The following ETV1 variants were observed in gnomAD, a reference collection of about 807,000 sequenced individuals.
ETV1 encodes ETS translocation variant 1.
A neutral mutation model predicts 62.3 loss-of-function variants in ETV1; 27 were observed. That is an observed-to-expected ratio of 0.43 (90% CI 0.32 to 0.60). The LOEUF is 0.60. ETV1 is among the 20% of genes least tolerant of loss of function. ETV1 has a pLI of 0.06. For missense variants in ETV1, 605 were observed against 605.8 expected (o/e 1.00, Z 0.01); for synonymous variants, 222 against 199.6 (o/e 1.11, Z -0.94).
rs1478322010 is a variant in ETV1, at chr7:13,892,879, T to C, written c.*2987A>G. The C allele has an allele frequency of 2.2e-5, 5 of 232,034 alleles. No homozygotes were observed. The East Asian group carries it at 3.0e-4, about 14-fold the overall frequency. The allele number at this position is 232,034 out of a possible 1,614,324, so 14.4% of individuals were successfully genotyped here. A position where few individuals can be genotyped will look rare whatever the true frequency, so the allele number is the denominator to read the frequency against. On this transcript the variant is annotated 3_prime_UTR_variant, in exon 14 of 14. Coordinates refer to ENST00000430479, the MANE Select transcript of ETV1 (RefSeq NM_004956.5). ...GAACCAGACCTAAGGACATCTTGGT[T>C]TTAGTCTCTTAAGGCTTCTTTTGAA...
chr7:13,959,016 A>T (rs918888375), intron 6 of ETV1: 9 of 151,654 alleles, frequency 5.9e-5, no homozygotes, highest in African/African-American at 2.2e-4. Flanking sequence ...GTCTTTCTCA[A>T]GTACTCCAAT....
intron 6 of ETV1, chr7:13,958,809 G>A (rs1445266783): frequency 1.3e-5 from 2 of 152,206 alleles, no homozygotes; most frequent in African/African-American, 4.8e-5. Flanking sequence ...ATGTTATGAA[G>A]ATTGGCTGCA....
chr7:13,914,771 C>A (rs1443420905), intron 9 of ETV1, among the ~76,000 whole-genome samples: 1 of 152,170 alleles, frequency 6.6e-6, no homozygotes, highest in African/African-American at 2.4e-5. Context: ...TTGCTAGGCA[C>A]TCTCTGATTT....
chr7:13,961,204 T>G (rs1465096637), intron 6 of ETV1, among the ~76,000 whole-genome samples: 1 of 152,104 alleles, frequency 6.6e-6, no homozygotes, highest in African/African-American at 2.4e-5. Context: ...ATGATTGCAC[T>G]AATATTTGTG....
At chr7:13,918,296 T>C (rs939017042) in intron 9 of ETV1, among the ~76,000 whole-genome samples, 6 of 152,128 alleles carry the variant, frequency 3.9e-5, no homozygotes, top group Non-Finnish European at 7.4e-5. Flanking sequence ...CCTGAGGAAT[T>C]GCCACACTGA....
intron 6 of ETV1, among the ~76,000 whole-genome samples, chr7:13,939,992 A>G (rs1417026876): frequency 6.6e-6 from 1 of 152,238 alleles, no homozygotes; most frequent in African/African-American, 2.4e-5. Flanking sequence ...TAACGTACAA[A>G]GCTACATCAC....
chr7:13,960,651 G>A (rs1054754524), intron 6 of ETV1, among the ~76,000 whole-genome samples: 1 of 151,806 alleles, frequency 6.6e-6, no homozygotes, highest in African/African-American at 2.4e-5. Context: ...CTACTCCAAA[G>A]CTCACATGTT....
At chr7:13,908,814 C>T (rs1783249204) in intron 11 of ETV1, among the ~76,000 whole-genome samples, 1 of 152,034 alleles carries the variant, frequency 6.6e-6, no homozygotes, top group Non-Finnish European at 1.5e-5. Context: ...GTCATTATAG[C>T]CATGACCCCC....
chr7:13,968,653 C>T (rs1051236375), intron 6 of ETV1, among the ~76,000 whole-genome samples: 51 of 151,880 alleles, frequency 3.4e-4, no homozygotes, highest in African/African-American at 1.1e-3. Flanking sequence ...TTACATTATT[C>T]CCCCATGAAT....
At chr7:13,974,127 G>A (rs1781171695) in intron 6 of ETV1, among the ~76,000 whole-genome samples, 1 of 152,158 alleles carries the variant, frequency 6.6e-6, no homozygotes, top group African/African-American at 2.4e-5. Flanking sequence ...AACTCTGTGG[G>A]GTCAGGGTGG....
At chr7:13,918,965 A>G (rs1784518415) in intron 9 of ETV1, among the ~76,000 whole-genome samples, 1 of 151,692 alleles carries the variant, frequency 6.6e-6, no homozygotes, top group Non-Finnish European at 1.5e-5. Flanking sequence ...CTCTTATTTT[A>G]TCTTATCCTC....
intron 6 of ETV1, 104 bp from the exon 7 acceptor site, chr7:13,939,350 T>C (rs1007839718): frequency 2.1e-6 from 2 of 935,660 alleles, no homozygotes; most frequent in Non-Finnish European, 3.1e-6. Flanking sequence ...ACATTTCATA[T>C]TAACTTACAT....
chr7:13,951,838 T>G (rs1469241377), intron 6 of ETV1, among the ~76,000 whole-genome samples: 2 of 152,128 alleles, frequency 1.3e-5, no homozygotes, highest in South Asian at 2.1e-4. Context: ...AATGAGAACT[T>G]GATAGTAGCT....
At chr7:13,969,886 T>C (rs1780691958) in intron 6 of ETV1, among the ~76,000 whole-genome samples, 1 of 152,146 alleles carries the variant, frequency 6.6e-6, no homozygotes, top group Non-Finnish European at 1.5e-5. Flanking sequence ...GAGAGGACTG[T>C]GAGTTGTGGG....
chr7:13,897,372 G>C (rs1357891965), intron 13 of ETV1, among the ~76,000 whole-genome samples: 1 of 152,208 alleles, frequency 6.6e-6, no homozygotes, highest in Non-Finnish European at 1.5e-5. Flanking sequence ...AGTAACAATT[G>C]TCAATGAATG....
chr7:13,957,690 T>C (rs1275536407), intron 6 of ETV1, among the ~76,000 whole-genome samples: 2 of 152,212 alleles, frequency 1.3e-5, no homozygotes, highest in Non-Finnish European at 2.9e-5. Flanking sequence ...AGGTGTAAGG[T>C]GTATCAAATA....
At chr7:13,981,461 C>G (rs1424098730) in intron 5 of ETV1, among the ~76,000 whole-genome samples, 1 of 151,812 alleles carries the variant, frequency 6.6e-6, no homozygotes, top group East Asian at 1.9e-4. Flanking sequence ...GAGCTCAGAT[C>G]CATTAAAGGA....
intron 7 of ETV1, 121 bp downstream of exon 7, chr7:13,938,996 A>G: frequency 1.1e-6 from 1 of 914,342 alleles, no homozygotes; most frequent in South Asian, 1.5e-5. Context: ...TGCATTACCT[A>G]ATTAGCTTGT....
At chr7:13,923,904 G>A (rs896050328) in intron 9 of ETV1, among the ~76,000 whole-genome samples, 5 of 151,942 alleles carry the variant, frequency 3.3e-5, no homozygotes, top group Non-Finnish European at 5.9e-5. Flanking sequence ...TGGTGGTGGC[G>A]CACGCCTGTG....
Sources: allele counts gnomAD v4.1 joint callset (sites outside exome capture counted in the v4.1 genomes callset), GRCh38; gene constraint gnomAD v4.1.1; transcripts MANE v1.5; gene names NCBI Gene and HGNC (gene_info 2026-07-23, HGNC 2026-07-21).